The following PTPRN2 variants were observed in gnomAD, a reference collection of about 807,000 sequenced individuals.
PTPRN2 encodes receptor-type tyrosine-protein phosphatase N2.
A neutral mutation model predicts 118.8 loss-of-function variants in PTPRN2; 74 were observed. The observed-to-expected ratio is 0.62, with a 90% confidence interval of 0.52 to 0.76. The LOEUF is 0.76. Ranked by LOEUF, PTPRN2 falls within the 30% of genes least tolerant of loss-of-function variation. The probability of loss-of-function intolerance (pLI) is 0.00; values close to 1 mark genes in which losing one functional copy is unlikely to be tolerated. For missense variants in PTPRN2, 1,481 were observed against 1,394.4 expected (o/e 1.06, Z -0.99); for synonymous variants, 641 against 608.0 (o/e 1.05, Z -0.80).
intron 22 of PTPRN2, among the ~76,000 whole-genome samples, chr7:157,544,130 C>CGGAGAGAGGTGGAGAGAGAT (rs1798157223): frequency 7.0e-6 from 1 of 142,470 alleles, no homozygotes; most frequent in Non-Finnish European, 1.5e-5. Context: ...TGGAGAGAGG[C>CGGAGAGAGGTGGAGAGAGAT]GGAGAGAGGC....
intron 4 of PTPRN2, 79 bp from the exon 5 acceptor site, chr7:158,192,574 G>T: frequency 6.9e-7 from 1 of 1,458,466 alleles, no homozygotes; most frequent in Non-Finnish European, 9.1e-7. Context: ...TGGTGCCTGG[G>T]TGCATGCAAG....
intron 13 of PTPRN2, among the ~76,000 whole-genome samples, chr7:157,680,613 C>A (rs1796874541): frequency 6.6e-6 from 1 of 152,214 alleles, no homozygotes; most frequent in African/African-American, 2.4e-5. Context: ...ACACAAATCA[C>A]AACAACACAA....
intron 3 of PTPRN2, among the ~76,000 whole-genome samples, chr7:158,276,661 T>C (rs1799026210): frequency 6.6e-6 from 1 of 152,210 alleles, no homozygotes; most frequent in Non-Finnish European, 1.5e-5. Context: ...GATGAAACCA[T>C]GCTTCCAGCG....
intron 10 of PTPRN2, among the ~76,000 whole-genome samples, chr7:158,090,810 A>T (rs915755743): frequency 9.9e-5 from 15 of 152,220 alleles, no homozygotes; most frequent in African/African-American, 3.6e-4. Context: ...GAAATAATTT[A>T]AAAATACATA....
chr7:158,300,479 A>G (rs1198722844), intron 3 of PTPRN2, among the ~76,000 whole-genome samples: 1 of 93,064 alleles, frequency 1.1e-5, no homozygotes, highest in African/African-American at 4.1e-5. Flanking sequence ...CTCCCAACCT[A>G]TATTTTGTGT....
At chr7:158,007,761 G>C (rs1173766318) in intron 11 of PTPRN2, among the ~76,000 whole-genome samples, 1 of 151,988 alleles carries the variant, frequency 6.6e-6, no homozygotes, top group African/African-American at 2.4e-5. Context: ...GCTGTGCTAT[G>C]TGTGAGGGTG....
chr7:158,571,652 TG>T (rs1828053460), intron 1 of PTPRN2, among the ~76,000 whole-genome samples: 1 of 150,890 alleles, frequency 6.6e-6, no homozygotes, highest in Admixed American at 6.6e-5. Context: ...ATCAAATGCG[TG>T]GTTTGACCTT....
At chr7:158,536,097 T>C (rs572313587) in intron 1 of PTPRN2, among the ~76,000 whole-genome samples, 10 of 151,838 alleles carry the variant, frequency 6.6e-5, no homozygotes, top group Non-Finnish European at 8.8e-5. Context: ...GTTGTGGATG[T>C]TGGCGATGCA....
intron 19 of PTPRN2, 41 bp downstream of exon 19, chr7:157,576,572 G>A: frequency 3.2e-6 from 5 of 1,558,988 alleles, no homozygotes; most frequent in Non-Finnish European, 4.4e-6. Context: ...TGTGCCGCGC[G>A]CTCAGCGCGC....
In PTPRN2 at chr7:158,100,339, C is replaced by T. The variant is rs149206083; in HGVS notation, c.1643+10490G>A. 7.1e-3 allele frequency among the ~76,000 whole-genome samples: 1,077 copies of T among 151,618 alleles called. 13 individuals carry two copies. Among genetic ancestry groups the T allele is most frequent in the African/African-American group, 0.018 (724 of 41,294 alleles). On this transcript the variant is annotated intron_variant, in intron 10 of 22. Coordinates refer to ENST00000389418, the MANE Select transcript of PTPRN2 (RefSeq NM_002847.5). ...CATTTGGGTTGGTTCCATATTTTTGCAATTGCAAATTGTGCTGCTATAAAC... is the reference window on the plus strand; with the variant it reads ...CATTTGGGTTGGTTCCATATTTTTGTAATTGCAAATTGTGCTGCTATAAAC...
intron 12 of PTPRN2, among the ~76,000 whole-genome samples, chr7:157,758,310 C>T (rs1801926510): frequency 1.3e-5 from 2 of 152,240 alleles, no homozygotes; most frequent in Admixed American, 6.5e-5. Context: ...CCTGCACGCT[C>T]CTGGGTCATG....
rs562232967 is a variant in PTPRN2 at position 158,584,026 on chromosome 7, G to A, written c.112+3532C>T. ...ATGGCTCTGCCTCTCGGCTCTGTGTGGGCTCCCTGGTGAATGAAAAGTCTG... is the reference window on the plus strand; with the variant it reads ...ATGGCTCTGCCTCTCGGCTCTGTGTAGGCTCCCTGGTGAATGAAAAGTCTG... On this transcript the variant is annotated intron_variant, in intron 1 of 22. Coordinates refer to ENST00000389418, the MANE Select transcript of PTPRN2 (RefSeq NM_002847.5). 3.5e-4 allele frequency among the ~76,000 whole-genome samples: 53 copies of A among 152,278 alleles called. 2 individuals carry two copies. In the South Asian group the frequency reaches 0.011, roughly 31 times the overall value.
intron 1 of PTPRN2, among the ~76,000 whole-genome samples, chr7:158,577,739 C>T (rs1828416373): frequency 6.6e-6 from 1 of 152,254 alleles, no homozygotes; most frequent in Admixed American, 6.5e-5. Flanking sequence ...CCACCAGAGC[C>T]ACCGATCCCC....
At chr7:158,063,728 G>A (rs943345121) in intron 11 of PTPRN2, among the ~76,000 whole-genome samples, 3 of 152,020 alleles carry the variant, frequency 2.0e-5, no homozygotes, top group African/African-American at 4.8e-5. Context: ...GAACAAACTC[G>A]GGACACACCG....
intron 1 of PTPRN2, among the ~76,000 whole-genome samples, chr7:158,558,622 G>A (rs73730439): frequency 3.9e-5 from 6 of 152,016 alleles, no homozygotes; most frequent in African/African-American, 7.3e-5. Context: ...GAAAAAACAG[G>A]TGCAGCAATG....
chr7:158,337,734 CA>C (rs1805959602), intron 2 of PTPRN2, among the ~76,000 whole-genome samples: 1 of 148,416 alleles, frequency 6.7e-6, no homozygotes, highest in Admixed American at 6.7e-5. Context: ...ACGTCACTCA[CA>C]ACCACACTCT....
rs150271185 is a variant in PTPRN2 at position 157,898,704 on chromosome 7, C to T, written c.1757G>A (p.Gly586Glu). 3 of 1,608,324 alleles carry T rather than the reference C, an allele frequency of 1.9e-6. No homozygotes were observed. Among genetic ancestry groups the T allele is most frequent in the Non-Finnish European group, 2.6e-6 (3 of 1,174,652 alleles). The change falls in exon 12 of 23, where the codon GGA (glycine) becomes GAA (glutamate). Residue 586 changes from glycine (G) to glutamate (E), a missense_variant. Coordinates refer to ENST00000389418, the MANE Select transcript of PTPRN2 (RefSeq NM_002847.5). The part of the protein sequence containing the change: ...DNKDKLEETS[G>E]LKILQTGVGS... ...GACTCCGGTTTGAAGAATTTTCAGT[C>T]CAGAGGTTTCCTCCAGTTTGTCTTT... is the stretch of plus-strand genomic sequence containing the variant.
Position 157,656,378 on chromosome 7 carries a change from G to T in PTPRN2, c.2175C>A (p.Ile725=). The T allele has an allele frequency of 6.4e-7, 1 of 1,551,372 alleles. No individual in the cohort carries two copies. Among genetic ancestry groups the T allele is most frequent in the Non-Finnish European group, 8.7e-7 (1 of 1,146,852 alleles). ...SEEPVQSNMD[I]STGHMILSYM... is the part of the protein sequence containing the mutation. ...TTACCAGGATCATGTGGCCGGTGGA[G>T]ATGTCCATGTTGGACTGCACAGGCT... Residue 725 remains isoleucine (I), a synonymous_variant, in exon 14 of 23, where the codon ATC becomes ATA. Coordinates refer to ENST00000389418, the MANE Select transcript of PTPRN2 (RefSeq NM_002847.5).
chr7:158,167,851 C>T (rs962544524), intron 5 of PTPRN2, among the ~76,000 whole-genome samples: 1 of 152,262 alleles, frequency 6.6e-6, no homozygotes, highest in African/African-American at 2.4e-5. Flanking sequence ...CTTCCTCTTT[C>T]AGCCAAGTAC....
Sources: gnomAD v4.1 joint callset for allele counts (sites outside exome capture counted in the v4.1 genomes callset) on GRCh38, gnomAD v4.1.1 for gene constraint, MANE v1.5 for transcripts, NCBI Gene and HGNC (gene_info 2026-07-23, HGNC 2026-07-21) for gene names.